Variants in FHL5 observed in about 807,000 individuals in gnomAD.
FHL5 encodes the protein four and a half LIM domains protein 5.
In FHL5, 33 loss-of-function variants were observed where a neutral mutation model predicts 32.0. That is an observed-to-expected ratio of 1.03 (90% CI 0.78 to 1.38). FHL5 has a LOEUF of 1.38. FHL5 is among the 40% of genes most tolerant of loss of function. The pLI, the probability that FHL5 is intolerant of heterozygous loss-of-function variation, is 0.00. For missense variants in FHL5, 336 were observed against 343.9 expected, an observed-to-expected ratio of 0.98 and a Z score of 0.18; for synonymous variants, 114 against 113.6, an observed-to-expected ratio of 1.00 and a Z score of -0.02.
At position 96,615,781 on chromosome 6, in the gene FHL5, C is replaced by A; in HGVS notation, c.*9C>A. The A allele has an allele frequency of 6.4e-7, 1 of 1,569,038 alleles. No homozygotes were observed. The highest frequency in any genetic ancestry group is 1.2e-5 in the South Asian group (1 of 85,098). ...TGGACACTGACATCTAGGAGACAGTCCTTGCCCACCTAAAATCCATTTTGC... is the reference window on the plus strand; with the variant it reads ...TGGACACTGACATCTAGGAGACAGTACTTGCCCACCTAAAATCCATTTTGC... On this transcript the variant is annotated 3_prime_UTR_variant, in exon 6 of 6. Coordinates refer to ENST00000450218, the MANE Select transcript of FHL5 (RefSeq NM_001322466.2).
At chr6:96,586,579 G>A (rs553950115) in intron 1 of FHL5, among the ~76,000 whole-genome samples, 1 of 152,268 alleles carries the variant, frequency 6.6e-6, no homozygotes, top group Admixed American at 6.5e-5. Context: ...TAGGGACAAT[G>A]CCCCAAAGAA....
Position 96,594,264 on chromosome 6 carries a change from TA to T in FHL5, c.-12-9337del, listed in dbSNP as rs1562059710. ...ATATATATATATATATATATATATA[TA>T]TATATATATGTATGTATGTATTTAC... On this transcript the variant is annotated intron_variant, in intron 1 of 5. Coordinates refer to ENST00000450218, the MANE Select transcript of FHL5 (RefSeq NM_001322466.2). Among the ~76,000 whole-genome samples the T allele has an allele frequency of 1.9e-3, 183 of 94,346 alleles. 2 individuals are homozygous for T. Among genetic ancestry groups the T allele is most frequent in the Middle Eastern group, 0.013 (2 of 156 alleles). 61.9% of individuals were successfully genotyped at this position (94,346 alleles called of 152,430 possible). A position where few individuals can be genotyped will look rare whatever the true frequency, so the allele number is the denominator to read the frequency against.
At chr6:96,583,843 C>T (rs138175433) in intron 1 of FHL5, among the ~76,000 whole-genome samples, 40 of 152,128 alleles carry the variant, frequency 2.6e-4, no homozygotes, top group African/African-American at 8.9e-4. Context: ...ATTTGCTATA[C>T]GTGTAACAGA....
At chr6:96,572,068 T>C (rs1347583915) in intron 1 of FHL5, among the ~76,000 whole-genome samples, 3 of 152,146 alleles carry the variant, frequency 2.0e-5, no homozygotes, top group Non-Finnish European at 4.4e-5. Flanking sequence ...TCTAAAATTG[T>C]TCAGTTTATA....
intron 5 of FHL5, among the ~76,000 whole-genome samples, chr6:96,613,942 T>C (rs1252355616): frequency 6.6e-6 from 1 of 152,194 alleles, no homozygotes; most frequent in Non-Finnish European, 1.5e-5. Context: ...ATGCCAGCTC[T>C]TATTCTACTG....
At chr6:96,588,791 C>T (rs954243525) in intron 1 of FHL5, among the ~76,000 whole-genome samples, 2 of 152,024 alleles carry the variant, frequency 1.3e-5, no homozygotes, top group Non-Finnish European at 2.9e-5. Context: ...TTCTAACTCT[C>T]TTTCAGTTAC....
chr6:96,603,448 A>C (rs1771198097), intron 1 of FHL5, among the ~76,000 whole-genome samples, 154 bp from the exon 2 acceptor site: 1 of 152,196 alleles, frequency 6.6e-6, no homozygotes, highest in Non-Finnish European at 1.5e-5. Context: ...AAATGTCACC[A>C]TGACTATAAG....
At chr6:96,606,897 G>GCAAT (rs948769023) in intron 4 of FHL5, among the ~76,000 whole-genome samples, 2 of 151,984 alleles carry the variant, frequency 1.3e-5, no homozygotes, top group Admixed American at 6.6e-5. Context: ...TATGAGTAGG[G>GCAAT]CAATCGGCTC....
At chr6:96,590,418 G>C (rs975884250) in intron 1 of FHL5, among the ~76,000 whole-genome samples, 1 of 151,494 alleles carries the variant, frequency 6.6e-6, no homozygotes. Flanking sequence ...TCATTTCACT[G>C]TTTGTTATTG....
intron 1 of FHL5, among the ~76,000 whole-genome samples, chr6:96,598,189 C>T (rs115749028): frequency 0.012 from 1,765 of 152,292 alleles, 32 homozygotes; most frequent in African/African-American, 0.034. Context: ...TTTCTCACAG[C>T]CAAAACACTA....
intron 1 of FHL5, among the ~76,000 whole-genome samples, chr6:96,569,264 G>T (rs1038009142): frequency 6.6e-6 from 1 of 151,800 alleles, no homozygotes; most frequent in African/African-American, 2.4e-5. Context: ...AAAGTTCCTC[G>T]TTATTTTGAT....
intron 1 of FHL5, among the ~76,000 whole-genome samples, chr6:96,594,347 T>A (rs1770992728): frequency 6.7e-6 from 1 of 149,610 alleles, no homozygotes; most frequent in South Asian, 2.1e-4. Context: ...AATACACATG[T>A]ACAATTTTTG....
intron 1 of FHL5, among the ~76,000 whole-genome samples, chr6:96,583,093 C>G (rs2971604): frequency 8.5e-5 from 13 of 152,148 alleles, no homozygotes; most frequent in Non-Finnish European, 1.5e-4. Context: ...ACAACCAGCA[C>G]GAGAATCTGT....
At chr6:96,595,333 C>A (rs1382354378) in intron 1 of FHL5, among the ~76,000 whole-genome samples, 1 of 151,644 alleles carries the variant, frequency 6.6e-6, no homozygotes, top group Non-Finnish European at 1.5e-5. Context: ...ATCTGCATAT[C>A]TAATTGTTGG....
At chr6:96,567,651 C>T (rs1770385828) in intron 1 of FHL5, among the ~76,000 whole-genome samples, 1 of 151,390 alleles carries the variant, frequency 6.6e-6, no homozygotes, top group Non-Finnish European at 1.5e-5. Flanking sequence ...TTTGTGTCTT[C>T]TTCAATTTTT....
At chr6:96,584,362 T>G (rs1770752438) in intron 1 of FHL5, among the ~76,000 whole-genome samples, 1 of 151,700 alleles carries the variant, frequency 6.6e-6, no homozygotes, top group South Asian at 2.1e-4. Flanking sequence ...GTGTGACAAC[T>G]GAAACGCATA....
chr6:96,606,118 T>C, intron 4 of FHL5, 47 bp downstream of exon 4: 2 of 1,472,982 alleles, frequency 1.4e-6, no homozygotes, highest in Non-Finnish European at 1.9e-6. Context: ...AGACTATTTC[T>C]TTTTAGCTGT....
Position 96,565,654 on chromosome 6 carries a change from C to T in FHL5, c.-13+2299C>T, listed in dbSNP as rs938854237. Among the ~76,000 whole-genome samples, 3 of 151,956 alleles carry T rather than the reference C, an allele frequency of 2.0e-5. No individual in the cohort carries two copies. In the South Asian group the frequency reaches 6.2e-4, roughly 32 times the overall value. On this transcript the variant is annotated intron_variant, in intron 1 of 5. Transcript: ENST00000450218. The stretch of plus-strand genomic sequence containing the variant: ...TTGTCTCCTCCCATTTAAAAATATA[C>T]CTTTTTGTATTTTTCCAATATCATT...
At chr6:96,610,855 A>C (rs1000824055) in intron 5 of FHL5, 97 bp downstream of exon 5, 3 of 878,324 alleles carry the variant, frequency 3.4e-6, no homozygotes, top group African/African-American at 3.3e-5. Flanking sequence ...AAAAATGGGA[A>C]GCTTTCCTTT....
Sources: gnomAD v4.1 joint callset for allele counts (sites outside exome capture counted in the v4.1 genomes callset) on GRCh38, gnomAD v4.1.1 for gene constraint, MANE v1.5 for transcripts, NCBI Gene and HGNC (gene_info 2026-07-23, HGNC 2026-07-21) for gene names.